RAB22A: variants seen among roughly 807,000 people sequenced by gnomAD.
RAB22A encodes the protein ras-related protein Rab-22A.
In RAB22A, 13 loss-of-function variants were observed where a neutral mutation model predicts 30.2. The ratio of observed to expected loss-of-function variants is 0.43; its 90% CI spans 0.28 to 0.68. The LOEUF is 0.68. Among genes scored for constraint, RAB22A ranks in the 30% least tolerant of loss-of-function variants. RAB22A has a pLI of 0.18. For missense variants in RAB22A, 177 were observed against 246.8 expected, an observed-to-expected ratio of 0.72 and a Z score of 1.89; for synonymous variants, 89 against 87.2, an observed-to-expected ratio of 1.02 and a Z score of -0.11.
chr20:58,349,757 TCAC>T (rs1306055130), intron 3 of RAB22A, among the ~76,000 whole-genome samples: 1 of 151,794 alleles, frequency 6.6e-6, no homozygotes, highest in African/African-American at 2.4e-5. Context: ...TCAGGATGAG[TCAC>T]CAGTAACTTA....
chr20:58,316,028 G>A lies in RAB22A; in HGVS notation c.116+4906G>A, dbSNP rs545477279. Among the ~76,000 whole-genome samples the A allele has an allele frequency of 1.3e-4, 20 of 152,202 alleles. No individual in the cohort carries two copies. The Middle Eastern group carries it at 0.02, about 155-fold the overall frequency. On this transcript the variant is annotated intron_variant, in intron 2 of 6. Coordinates refer to ENST00000244040, the MANE Select transcript of RAB22A (RefSeq NM_020673.3). Reference sequence around the variant, plus strand: ...CCCCAGCACACACCAAGCAGCACCCGTTCCACACCTGGGTTTTTGGCACAT... The same window carrying A: ...CCCCAGCACACACCAAGCAGCACCCATTCCACACCTGGGTTTTTGGCACAT...
Position 58,334,587 on chromosome 20 carries a change from CCTT to C in RAB22A, c.117-9128_117-9126del, listed in dbSNP as rs1019477925. 1.1e-4 allele frequency among the ~76,000 whole-genome samples: 16 copies of C among 151,568 alleles called. 1 individual carries two copies. The highest frequency in any genetic ancestry group is 1.5e-5 in the Non-Finnish European group (1 of 67,938). ...TTAACTGGAAATGGGCATGAGGAAA[CCTT>C]CTGGTCATTGGAGATGTCATGCGTC... On this transcript the variant is annotated intron_variant, in intron 2 of 6. Transcript: ENST00000244040.
intron 2 of RAB22A, among the ~76,000 whole-genome samples, chr20:58,320,988 G>A (rs894203973): frequency 2.0e-5 from 3 of 151,708 alleles, no homozygotes; most frequent in Non-Finnish European, 2.9e-5. Flanking sequence ...TCAACAGATC[G>A]AGACCATCCT....
In RAB22A at chr20:58,363,485, T is replaced by C. The variant is rs1987263802; in HGVS notation, c.*3782T>C. 1 of 152,176 alleles carries C rather than the reference T, an allele frequency of 6.6e-6. No individual in the cohort carries two copies. The highest frequency in any genetic ancestry group is 2.1e-4 in the South Asian group (1 of 4,832). The allele number at this position is 152,176 out of a possible 1,614,324, so 9.4% of individuals were successfully genotyped here. ...TAACTGAGCTATACTTGGTACTTGCTCTAGAACATTTGGGAAATGACAAAC... is the reference window on the plus strand; with the variant it reads ...TAACTGAGCTATACTTGGTACTTGCCCTAGAACATTTGGGAAATGACAAAC... On this transcript the variant is annotated 3_prime_UTR_variant, in exon 7 of 7. Coordinates refer to ENST00000244040, the MANE Select transcript of RAB22A (RefSeq NM_020673.3).
At chr20:58,337,135 T>C (rs909378466) in intron 2 of RAB22A, among the ~76,000 whole-genome samples, 2 of 152,190 alleles carry the variant, frequency 1.3e-5, no homozygotes, top group African/African-American at 4.8e-5. Flanking sequence ...AACACACACT[T>C]ACTCTTTTAT....
chr20:58,352,020 G>T (rs2122966953), intron 3 of RAB22A, among the ~76,000 whole-genome samples: 1 of 152,236 alleles, frequency 6.6e-6, no homozygotes, highest in East Asian at 1.9e-4. Flanking sequence ...GACCCATGTG[G>T]TTATATAATA....
At chr20:58,350,927 G>C (rs117033545) in intron 3 of RAB22A, among the ~76,000 whole-genome samples, 1 of 152,178 alleles carries the variant, frequency 6.6e-6, no homozygotes, top group Non-Finnish European at 1.5e-5. Context: ...AGCATATATA[G>C]ATTTAGATTA....
At chr20:58,311,727 T>A (rs1986229076) in intron 2 of RAB22A, among the ~76,000 whole-genome samples, 1 of 152,336 alleles carries the variant, frequency 6.6e-6, no homozygotes, top group African/African-American at 2.4e-5. Flanking sequence ...TAATATTATG[T>A]TAACCTTATA....
At chr20:58,348,562 C>T (rs1028420217) in intron 3 of RAB22A, among the ~76,000 whole-genome samples, 6 of 152,106 alleles carry the variant, frequency 3.9e-5, no homozygotes, top group Admixed American at 6.5e-5. Context: ...AGAAGCAAAC[C>T]CGAAAGTGAT....
At chr20:58,359,494 A>C in intron 6 of RAB22A, 112 bp from the exon 7 acceptor site, 1 of 597,110 alleles carries the variant, frequency 1.7e-6, no homozygotes, top group Non-Finnish European at 2.7e-6. Context: ...AGTTTATTAA[A>C]CTTTTTTTTT....
At position 58,363,508 on chromosome 20, in the gene RAB22A, A is replaced by G. The variant is rs1987264125; in HGVS notation, c.*3805A>G. ...GCTCTAGAACATTTGGGAAATGACA[A>G]ACTCAGGCTGGCTCTCCTCTCTAAC... On this transcript the variant is annotated 3_prime_UTR_variant, in exon 7 of 7. Transcript: ENST00000244040. 1 of 152,194 alleles carries G rather than the reference A, an allele frequency of 6.6e-6. No homozygotes were observed. The highest frequency in any genetic ancestry group is 1.5e-5 in the Non-Finnish European group (1 of 68,044). The allele number at this position is 152,194 out of a possible 1,614,324, so 9.4% of individuals were successfully genotyped here.
intron 3 of RAB22A, among the ~76,000 whole-genome samples, chr20:58,351,344 AAAAG>A (rs1458316784): frequency 1.3e-5 from 2 of 152,094 alleles, no homozygotes; most frequent in African/African-American, 4.8e-5. Flanking sequence ...TCAAAAAAAA[AAAAG>A]AAAAATGTGC....
At position 58,309,991 on chromosome 20, in the gene RAB22A, G is replaced by A. The variant is rs373185788; in HGVS notation, c.15G>A (p.Glu5=). ...GCTCCCGGGCCATGGCGCTGAGGGA[G>A]CTCAAAGTGTGTCTGCTCGGGGTGA... MALR[E]LKVCLLGDTG... The change falls in exon 1 of 7, where the codon GAG becomes GAA. Residue 5 remains glutamate, a synonymous_variant. Transcript: ENST00000244040. The A allele has an allele frequency of 2.3e-5, 30 of 1,282,320 alleles. No homozygotes were observed. In the African/African-American group the frequency reaches 3.5e-4, roughly 15 times the overall value. 79.4% of individuals were successfully genotyped at this position (1,282,320 alleles called of 1,614,324 possible).
intron 4 of RAB22A, 33 bp downstream of exon 4, chr20:58,353,377 G>A (rs1210575134): frequency 6.2e-7 from 1 of 1,610,366 alleles, no homozygotes; most frequent in Non-Finnish European, 8.5e-7. Context: ...AGATTGTTTT[G>A]AAAACTCTTT....
At chr20:58,310,905 G>C in intron 1 of RAB22A, 138 bp from the exon 2 acceptor site, 1 of 701,336 alleles carries the variant, frequency 1.4e-6, no homozygotes, top group Non-Finnish European at 2.5e-6. Context: ...TATGACAACC[G>C]CTTTTGTGTT....
intron 2 of RAB22A, among the ~76,000 whole-genome samples, chr20:58,330,963 A>G (rs1986651849): frequency 6.6e-6 from 1 of 152,130 alleles, no homozygotes; most frequent in African/African-American, 2.4e-5. Flanking sequence ...CTTCTTTTCT[A>G]GAACATCCCC....
In RAB22A at chr20:58,316,819, A is replaced by T. The variant is rs139655246; in HGVS notation, c.116+5697A>T. ...TGGATCTCTCCTCCTCTTTCCATGG[A>T]CCTTGGGGTAGAGGAAAGGACCAAC... On this transcript the variant is annotated intron_variant, in intron 2 of 6. Coordinates refer to ENST00000244040, the MANE Select transcript of RAB22A (RefSeq NM_020673.3). 7.7e-3 allele frequency among the ~76,000 whole-genome samples: 1,170 copies of T among 152,056 alleles called. 11 individuals carry two copies. The highest frequency in any genetic ancestry group is 0.011 in the Non-Finnish European group (781 of 67,986).
In RAB22A at chr20:58,362,525, G is replaced by A. The variant is rs930157396; in HGVS notation, c.*2822G>A. On this transcript the variant is annotated 3_prime_UTR_variant, in exon 7 of 7. Coordinates refer to ENST00000244040, the MANE Select transcript of RAB22A (RefSeq NM_020673.3). The stretch of plus-strand genomic sequence containing the variant: ...GAAAAATTATTAATTAGCTGCTACT[G>A]TATGTTGATTCTTTTCGGAGAAATT... 7.2e-5 allele frequency: 11 copies of A among 152,210 alleles called. No homozygotes were observed. Among genetic ancestry groups the A allele is most frequent in the Non-Finnish European group, 1.5e-4 (10 of 68,028 alleles). 9.4% of individuals were successfully genotyped at this position (152,210 alleles called of 1,614,324 possible). A position where few individuals can be genotyped will look rare whatever the true frequency, so the allele number is the denominator to read the frequency against.
rs775803663 is a variant in RAB22A, at chr20:58,311,050, G to C, written c.44G>C (p.Gly15Ala). ...ELKVCLLGDT[G>A]VGKSSIVWRF... is the part of the protein sequence containing the mutation. ...CATCTCGTTCTCTTTCAGGATACAG[G>C]TGTAGGTAAATCGAGTATTGTGTGG... Residue 15 changes from glycine (G) to alanine (A), a missense_variant, in exon 2 of 7, where the codon GGT (glycine) becomes GCT (alanine). Physicochemically the swap from Gly to Ala is moderately conservative, Grantham distance 60 (BLOSUM62 0). Coordinates refer to ENST00000244040, the MANE Select transcript of RAB22A (RefSeq NM_020673.3). The C allele has an allele frequency of 6.2e-7, 1 of 1,602,092 alleles. No individual in the cohort carries two copies. Among genetic ancestry groups the C allele is most frequent in the Non-Finnish European group, 8.6e-7 (1 of 1,169,058 alleles).
Sources: gnomAD v4.1 joint callset for allele counts (sites outside exome capture counted in the v4.1 genomes callset) on GRCh38, gnomAD v4.1.1 for gene constraint, MANE v1.5 for transcripts, NCBI Gene and HGNC (gene_info 2026-07-23, HGNC 2026-07-21) for gene names.